The following KIR3DL3 variants were observed in gnomAD, a reference collection of about 807,000 sequenced individuals.
KIR3DL3 encodes killer cell immunoglobulin-like receptor 3DL3.
Under a neutral mutation model 34.9 loss-of-function variants are expected in KIR3DL3, and 27 were observed. The observed-to-expected ratio is 0.77, with a 90% confidence interval of 0.57 to 1.07. The LOEUF is 1.07. Ranked by LOEUF, KIR3DL3 falls within the 50% of genes least tolerant of loss-of-function variation. The pLI, the probability that KIR3DL3 is intolerant of heterozygous loss-of-function variation, is 0.00. For missense variants in KIR3DL3, 681 were observed against 528.5 expected, an observed-to-expected ratio of 1.29 and a Z score of -2.83; for synonymous variants, 217 against 200.2, an observed-to-expected ratio of 1.08 and a Z score of -0.71.
intron 1 of KIR3DL3, among the ~76,000 whole-genome samples, 168 bp from the exon 2 acceptor site, chr19:54,725,079 T>C (rs1292441451): frequency 1.5e-5 from 2 of 129,636 alleles, no homozygotes; most frequent in African/African-American, 5.9e-5. Context: ...GGTGGAGATA[T>C]AGGCCTGGAG....
chr19:54,728,460 C>T (rs2068443225), intron 4 of KIR3DL3, among the ~76,000 whole-genome samples: 1 of 148,618 alleles, frequency 6.7e-6, no homozygotes, highest in Non-Finnish European at 1.5e-5. Context: ...GCTGTGAGTT[C>T]CTGGAGTCCC....
Position 54,736,059 on chromosome 19 carries a change from A to T in KIR3DL3, c.1196A>T (p.Gln399Leu), listed in dbSNP as rs754884179. Reference sequence around the variant, plus strand: ...CAGAGAAAAATCACTCGCCCTTCTCAGAGGCCCAAGACACCCCCAACAGAT... The same window carrying T: ...CAGAGAAAAATCACTCGCCCTTCTCTGAGGCCCAAGACACCCCCAACAGAT... ...FTQRKITRPSQRPKTPPTDTS... is the reference protein window; with the variant it reads ...FTQRKITRPSLRPKTPPTDTS... The change falls in exon 8 of 8, where the codon CAG becomes CTG. Residue 399 changes from glutamine (Q) to leucine (L), a missense_variant. By Grantham distance (113) the Gln-to-Leu change is moderately radical (BLOSUM62 -2). Coordinates refer to ENST00000291860, the MANE Select transcript of KIR3DL3 (RefSeq NM_153443.5). The T allele has an allele frequency of 2.5e-6, 4 of 1,613,744 alleles. No individual in the cohort carries two copies. The highest frequency in any genetic ancestry group is 3.4e-6 in the Non-Finnish European group (4 of 1,179,962).
intron 5 of KIR3DL3, among the ~76,000 whole-genome samples, chr19:54,733,151 A>T (rs2069011858): frequency 6.6e-6 from 1 of 152,022 alleles, no homozygotes; most frequent in Non-Finnish European, 1.5e-5. Context: ...TCTTTCTGAG[A>T]TGTGTTTTTT....
intron 1 of KIR3DL3, among the ~76,000 whole-genome samples, 176 bp downstream of exon 1, chr19:54,724,706 T>TGC (rs2067939570): frequency 2.1e-5 from 1 of 46,590 alleles, no homozygotes; most frequent in African/African-American, 8.9e-5. Flanking sequence ...CCTGGAACTG[T>TGC]AGATATGGGC....
At chr19:54,734,840 C>G (rs1215965857) in intron 5 of KIR3DL3, among the ~76,000 whole-genome samples, 1 of 133,770 alleles carries the variant, frequency 7.5e-6, no homozygotes, top group East Asian at 2.0e-4. Flanking sequence ...AGAGAGGGAC[C>G]AAGGGGGAGG....
intron 4 of KIR3DL3, among the ~76,000 whole-genome samples, 158 bp from the exon 5 acceptor site, chr19:54,729,335 G>T (rs1323131038): frequency 6.6e-6 from 1 of 152,022 alleles, no homozygotes; most frequent in Non-Finnish European, 1.5e-5. Flanking sequence ...AGAGAAGGTG[G>T]AAGGAGGAAA....
rs1202727702 is a variant in KIR3DL3, at chr19:54,724,477, C to T, written c.-20C>T. 4 of 1,613,014 alleles carry T rather than the reference C, an allele frequency of 2.5e-6. No individual in the cohort carries two copies. In the African/African-American group the frequency reaches 5.3e-5, roughly 22 times the overall value. On this transcript the variant is annotated 5_prime_UTR_variant, in exon 1 of 8. Coordinates refer to ENST00000291860, the MANE Select transcript of KIR3DL3 (RefSeq NM_153443.5). Reference sequence around the variant, plus strand: ...CTGAACTGAGCTGGGGCGCAGCCGCCTGTCTGCACCGGCAGCACCATGTCG... The same window carrying T: ...CTGAACTGAGCTGGGGCGCAGCCGCTTGTCTGCACCGGCAGCACCATGTCG...
chr19:54,727,521 C>A, intron 3 of KIR3DL3, 90 bp from the exon 4 acceptor site: 2 of 1,195,652 alleles, frequency 1.7e-6, no homozygotes, highest in Non-Finnish European at 2.4e-6. Context: ...GAGAGATAGA[C>A]ACCATGGAGG....
rs1157779611 is a variant in KIR3DL3, at chr19:54,727,655, G to A, written c.400G>A (p.Val134Met). The change falls in exon 4 of 8, where the codon GTG becomes ATG. Residue 134 changes from valine (V) to methionine (M), a missense_variant. Val to Met is a conservative substitution (Grantham distance 21, BLOSUM62 1). Transcript: ENST00000291860. ...CCTCCTGGCCCACCCAGGTCCCCTG[G>A]TGAAATCAGGAGAGACGGTCATCCT... is the stretch of plus-strand genomic sequence containing the variant. The part of the protein sequence containing the change: ...PSLLAHPGPL[V>M]KSGETVILQC... 53 of 1,611,826 alleles carry A rather than the reference G, an allele frequency of 3.3e-5. No individual in the cohort carries two copies. In the African/African-American group the frequency reaches 5.9e-4, roughly 18 times the overall value.
At chr19:54,731,190 G>C (rs2068754088) in intron 5 of KIR3DL3, among the ~76,000 whole-genome samples, 1 of 151,914 alleles carries the variant, frequency 6.6e-6, no homozygotes, top group African/African-American at 2.4e-5. Flanking sequence ...ATTTTTAGTA[G>C]AGACAGAGTT....
chr19:54,731,560 G>A (rs1371038686), intron 5 of KIR3DL3, among the ~76,000 whole-genome samples: 9 of 151,804 alleles, frequency 5.9e-5, no homozygotes, highest in African/African-American at 1.7e-4. Flanking sequence ...CACAAGCTTC[G>A]TGGATGAAAA....
At chr19:54,733,275 G>C (rs1479426222) in intron 5 of KIR3DL3, among the ~76,000 whole-genome samples, 1 of 152,108 alleles carries the variant, frequency 6.6e-6, no homozygotes, top group Non-Finnish European at 1.5e-5. Flanking sequence ...GCTCACACCT[G>C]TAACCCAACA....
Position 54,724,516 on chromosome 19 carries a change from G to A in KIR3DL3, c.20G>A (p.Ser7Asn), listed in dbSNP as rs2067896433. The A allele has an allele frequency of 1.9e-6, 3 of 1,612,952 alleles. No individual in the cohort carries two copies. In the Admixed American group the frequency reaches 5.0e-5, roughly 27 times the overall value. The stretch of plus-strand genomic sequence containing the variant: ...AGCACCATGTCGCTCATGGTCGTCA[G>A]CATGGCGTGTGTTGGTGAGTCCTGG... The part of the protein sequence containing the change: MSLMVV[S>N]MACVGFFLLE... The change falls in exon 1 of 8, where the codon AGC (serine) becomes AAC (asparagine). Residue 7 changes from serine (S) to asparagine (N), a missense_variant. By Grantham distance (46) the Ser-to-Asn change is conservative. Coordinates refer to ENST00000291860, the MANE Select transcript of KIR3DL3 (RefSeq NM_153443.5).
Position 54,724,568 on chromosome 19 carries a change from GGTGGAGATCTGGGCCTGGA to G in KIR3DL3, c.34+66_34+84del, listed in dbSNP as rs1207580559. On this transcript the variant is annotated intron_variant, in intron 1 of 7. Coordinates refer to ENST00000291860, the MANE Select transcript of KIR3DL3 (RefSeq NM_153443.5). Reference sequence around the variant, plus strand: ...AGGGAATCGAGGGAGGGAGCGCTGGGGTGGAGATCTGGGCCTGGAGTGGAGATCTGGGCCTGGAGTGGAG... The same window carrying G: ...AGGGAATCGAGGGAGGGAGCGCTGGGGTGGAGATCTGGGCCTGGAGTGGAG... The G allele has an allele frequency of 7.4e-3, 11,617 of 1,563,440 alleles. 464 individuals carry two copies. Among genetic ancestry groups the G allele is most frequent in the African/African-American group, 0.012 (827 of 70,726 alleles).
intron 4 of KIR3DL3, among the ~76,000 whole-genome samples, chr19:54,728,311 T>C (rs1465137935): frequency 6.7e-6 from 1 of 148,492 alleles, no homozygotes; most frequent in Non-Finnish European, 1.5e-5. Context: ...CTGGCCTGAG[T>C]TGGGCCATGT....
chr19:54,735,127 C>A (rs2069332829), intron 5 of KIR3DL3, 126 bp from the exon 6 acceptor site: 1 of 774,244 alleles, frequency 1.3e-6, no homozygotes, highest in Non-Finnish European at 2.3e-6. Flanking sequence ...GCTAGGTCTC[C>A]CGCCATCTGG....
Position 54,724,485 on chromosome 19 carries a change from A to C in KIR3DL3, c.-12A>C. The C allele has an allele frequency of 1.2e-6, 2 of 1,612,980 alleles. No homozygotes were observed. Among genetic ancestry groups the C allele is most frequent in the Non-Finnish European group, 1.7e-6 (2 of 1,179,912 alleles). On this transcript the variant is annotated 5_prime_UTR_variant, in exon 1 of 8. Transcript: ENST00000291860. Reference sequence around the variant, plus strand: ...AGCTGGGGCGCAGCCGCCTGTCTGCACCGGCAGCACCATGTCGCTCATGGT... The same window carrying C: ...AGCTGGGGCGCAGCCGCCTGTCTGCCCCGGCAGCACCATGTCGCTCATGGT...
In KIR3DL3 at chr19:54,736,073, C is replaced by A. The variant is rs765015904; in HGVS notation, c.1210C>A (p.Pro404Thr). Reference sequence around the variant, plus strand: ...TCGCCCTTCTCAGAGGCCCAAGACACCCCCAACAGATACCAGCGTGTAACA... The same window carrying A: ...TCGCCCTTCTCAGAGGCCCAAGACAACCCCAACAGATACCAGCGTGTAACA... ...ITRPSQRPKT[P>T]PTDTSV Residue 404 changes from proline to threonine, a missense_variant, in exon 8 of 8, where the codon CCC (proline) becomes ACC (threonine). By Grantham distance (38) the Pro-to-Thr change is conservative (BLOSUM62 -1). Transcript: ENST00000291860. 1.6e-4 allele frequency: 258 copies of A among 1,613,532 alleles called. No individual in the cohort carries two copies. Among genetic ancestry groups the A allele is most frequent in the Non-Finnish European group, 2.1e-4 (247 of 1,179,962 alleles).
At chr19:54,728,060 G>A (rs1380070577) in intron 4 of KIR3DL3, 150 bp downstream of exon 4, 5 of 769,792 alleles carry the variant, frequency 6.5e-6, no homozygotes, top group East Asian at 4.9e-5. Context: ...CAAAGGCAGA[G>A]AAACAGGAGA....
Sources: allele counts gnomAD v4.1 joint callset (sites outside exome capture counted in the v4.1 genomes callset), GRCh38; gene constraint gnomAD v4.1.1; transcripts MANE v1.5; gene names NCBI Gene and HGNC (gene_info 2026-07-23, HGNC 2026-07-21).